The following SEC23B variants were observed in gnomAD, a reference collection of about 807,000 sequenced individuals.
The protein encoded by SEC23B is SEC23 homolog B, COPII component.
A neutral mutation model predicts 104.3 loss-of-function variants in SEC23B; 77 were observed. That is an observed-to-expected ratio of 0.74 (90% CI 0.61 to 0.89). The LOEUF (loss-of-function observed/expected upper bound fraction) is 0.89. Among genes scored for constraint, SEC23B ranks in the 40% least tolerant of loss-of-function variants. SEC23B has a pLI of 0.00. For synonymous variants in SEC23B, 338 were observed against 332.5 expected, an observed-to-expected ratio of 1.02 and a Z score of -0.18; for missense variants, 885 against 949.4, an observed-to-expected ratio of 0.93 and a Z score of 0.89.
chr20:18,535,601 C>T, intron 11 of SEC23B, 52 bp from the exon 12 acceptor site: 2 of 1,447,506 alleles, frequency 1.4e-6, no homozygotes, highest in Non-Finnish European at 9.7e-7. Context: ...AGCAATTAAC[C>T]ACAGGGATGG....
chr20:18,532,062 G>A (rs2060193083), intron 10 of SEC23B, among the ~76,000 whole-genome samples: 1 of 152,186 alleles, frequency 6.6e-6, no homozygotes, highest in African/African-American at 2.4e-5. Flanking sequence ...GGCGGGGCAG[G>A]TCAGGGGCCG....
chr20:18,552,380 A>C (rs1343328468), intron 17 of SEC23B, among the ~76,000 whole-genome samples: 3 of 152,244 alleles, frequency 2.0e-5, no homozygotes, highest in African/African-American at 7.2e-5. Context: ...TGAGAGCCGG[A>C]TGACCAGCTG....
rs1363037415 is a variant in SEC23B at position 18,552,141 on chromosome 20, T to C, written c.1992+966T>C. 4.6e-5 allele frequency among the ~76,000 whole-genome samples: 7 copies of C among 151,850 alleles called. No homozygotes were observed. In the East Asian group the frequency reaches 1.3e-3, roughly 29 times the overall value. On this transcript the variant is annotated intron_variant, in intron 17 of 19. Transcript: ENST00000650089. ...TTTCTTCTATTGTATGATCTCTACC[T>C]TCTTAAATTGGTTATTGATTTGGTT...
chr20:18,532,239 G>A (rs144999121), intron 10 of SEC23B, among the ~76,000 whole-genome samples: 53 of 152,278 alleles, frequency 3.5e-4, no homozygotes, highest in Admixed American at 1.0e-3. Context: ...TGGCCTTGTC[G>A]TTATATTGGA....
At chr20:18,513,957 A>G (rs2060003098) in intron 3 of SEC23B, among the ~76,000 whole-genome samples, 1 of 152,176 alleles carries the variant, frequency 6.6e-6, no homozygotes, top group Non-Finnish European at 1.5e-5. Context: ...AATTAGGATG[A>G]TAGTATAGTA....
rs530617983 is a variant in SEC23B, at chr20:18,552,569, G to A, written c.1992+1394G>A. Among the ~76,000 whole-genome samples the A allele has an allele frequency of 1.8e-4, 28 of 152,262 alleles. 1 individual carries two copies. In the East Asian group the frequency reaches 5.2e-3, roughly 28 times the overall value. ...TAGTTCATGCCTGTAATCCCAGCAC[G>A]TTGGGAGGCCGAGGTGGGCGGATCA... On this transcript the variant is annotated intron_variant, in intron 17 of 19. Transcript: ENST00000650089.
intron 4 of SEC23B, among the ~76,000 whole-genome samples, chr20:18,517,485 C>T (rs2060040003): frequency 6.6e-6 from 1 of 152,148 alleles, no homozygotes; most frequent in African/African-American, 2.4e-5. Flanking sequence ...TTGCTTCAGG[C>T]CATCTGGATG....
In SEC23B at chr20:18,520,329, C is replaced by T. The variant is rs369244460; in HGVS notation, c.367-4104C>T. On this transcript the variant is annotated intron_variant, in intron 4 of 19. Transcript: ENST00000650089. ...AGGCTTTAATCCATTTAAAGCATGC[C>T]GTGGGATGGGATATTGGCATTGAGC... Among the ~76,000 whole-genome samples, 118 of 152,124 alleles carry T rather than the reference C, an allele frequency of 7.8e-4. 3 individuals are homozygous for T. In the South Asian group the frequency reaches 0.021, roughly 27 times the overall value.
At chr20:18,530,934 T>C (rs1330582879) in intron 10 of SEC23B, 131 bp downstream of exon 10, 2 of 669,512 alleles carry the variant, frequency 3.0e-6, no homozygotes, top group Non-Finnish European at 2.6e-6. Flanking sequence ...TGAGCCACTG[T>C]ACCTGGCCAT....
At chr20:18,547,443 A>G (rs922448769) in intron 15 of SEC23B, among the ~76,000 whole-genome samples, 5 of 152,208 alleles carry the variant, frequency 3.3e-5, no homozygotes, top group African/African-American at 1.2e-4. Context: ...TTTACACTTC[A>G]CAAGGCAGCT....
At chr20:18,533,545 T>A (rs2060204114) in intron 11 of SEC23B, among the ~76,000 whole-genome samples, 1 of 152,218 alleles carries the variant, frequency 6.6e-6, no homozygotes, top group Admixed American at 6.5e-5. Context: ...ATAATAACAG[T>A]GCCCACTCTA....
In SEC23B at chr20:18,550,066, ATG is replaced by A. The variant is rs1248230583; in HGVS notation, c.1906-1021_1906-1020del. 4.7e-5 allele frequency among the ~76,000 whole-genome samples: 7 copies of A among 148,126 alleles called. No homozygotes were observed. In the South Asian group the frequency reaches 6.3e-4, roughly 13 times the overall value. On this transcript the variant is annotated intron_variant, in intron 16 of 19. Coordinates refer to ENST00000650089, the MANE Select transcript of SEC23B (RefSeq NM_006363.6). ...AATTATATATGTATATATAAGAACTATGTATATAAATATATATGTATATGATT... is the reference window on the plus strand; with the variant it reads ...AATTATATATGTATATATAAGAACTATATATAAATATATATGTATATGATT...
intron 19 of SEC23B, among the ~76,000 whole-genome samples, chr20:18,555,560 C>T (rs2060428899): frequency 6.6e-6 from 1 of 152,140 alleles, no homozygotes; most frequent in Admixed American, 6.5e-5. Context: ...CTAATTCCTT[C>T]CCTTTTCTTC....
intron 10 of SEC23B, among the ~76,000 whole-genome samples, chr20:18,531,892 AT>A (rs1293994166): frequency 5.2e-5 from 4 of 77,048 alleles, no homozygotes; most frequent in Admixed American, 2.2e-4. Flanking sequence ...TCTACAAATG[AT>A]TTAAAAAAAA....
At position 18,560,935 on chromosome 20, in the gene SEC23B, C is replaced by T. The variant is rs1166075512; in HGVS notation, c.*195C>T. The T allele has an allele frequency of 1.7e-6, 1 of 583,062 alleles. No homozygotes were observed. Among genetic ancestry groups the T allele is most frequent in the Non-Finnish European group, 3.1e-6 (1 of 327,380 alleles). 36.1% of individuals were successfully genotyped at this position (583,062 alleles called of 1,614,324 possible). On this transcript the variant is annotated 3_prime_UTR_variant, in exon 20 of 20. Coordinates refer to ENST00000650089, the MANE Select transcript of SEC23B (RefSeq NM_006363.6). ...TTCTTGCACTATAAAATTATAAGGT[C>T]ATAAATGTTTTGGTACTTGTAGATG...
At chr20:18,535,958 T>A (rs917226527) in intron 12 of SEC23B, among the ~76,000 whole-genome samples, 3 of 152,260 alleles carry the variant, frequency 2.0e-5, no homozygotes, top group Non-Finnish European at 4.4e-5. Context: ...ATTGTTGAAC[T>A]GATAAGGTCA....
At chr20:18,558,777 C>A (rs2067929862) in intron 19 of SEC23B, among the ~76,000 whole-genome samples, 1 of 152,086 alleles carries the variant, frequency 6.6e-6, no homozygotes, top group Non-Finnish European at 1.5e-5. Context: ...CTTGTTGTTT[C>A]TTTGCTGAGG....
At position 18,542,479 on chromosome 20, in the gene SEC23B, AGTTT is replaced by A; in HGVS notation, c.1511+80_1511+83del. The A allele has an allele frequency of 6.8e-6, 9 of 1,324,196 alleles. 1 individual carries two copies. The South Asian group carries it at 8.2e-5, about 12-fold the overall frequency. 82.0% of individuals were successfully genotyped at this position (1,324,196 alleles called of 1,614,324 possible). A position where few individuals can be genotyped will look rare whatever the true frequency, so the allele number is the denominator to read the frequency against. The stretch of plus-strand genomic sequence containing the variant: ...TTGAAGAGATACTTTAACATTTGTT[AGTTT>A]GTCTTTTTGATTCCATTGAATGGTT... On this transcript the variant is annotated intron_variant, in intron 13 of 19. Coordinates refer to ENST00000650089, the MANE Select transcript of SEC23B (RefSeq NM_006363.6).
At chr20:18,557,666 T>C (rs1253879357) in intron 19 of SEC23B, among the ~76,000 whole-genome samples, 1 of 152,122 alleles carries the variant, frequency 6.6e-6, no homozygotes, top group Non-Finnish European at 1.5e-5. Context: ...AAACCTATTA[T>C]ATTTCTCTAC....
Sources: gnomAD v4.1 joint callset for allele counts (sites outside exome capture counted in the v4.1 genomes callset) on GRCh38, gnomAD v4.1.1 for gene constraint, MANE v1.5 for transcripts, NCBI Gene and HGNC (gene_info 2026-07-23, HGNC 2026-07-21) for gene names.